CCHCR1: variants seen among roughly 807,000 people sequenced by gnomAD.
CCHCR1 encodes coiled-coil alpha-helical rod protein 1, also known as HCR (a-helix coiled-coil rod homologue).
In CCHCR1, 91 loss-of-function variants were observed where a neutral mutation model predicts 114.6. The observed-to-expected ratio is 0.79, with a 90% CI of 0.67 to 0.94. The LOEUF (loss-of-function observed/expected upper bound fraction) is 0.94. Among genes scored for constraint, CCHCR1 ranks in the 40% least tolerant of loss-of-function variants. The pLI is 0.00. For missense variants in CCHCR1, 899 were observed against 1,079.9 expected (o/e 0.83, Z 2.35); for synonymous variants, 379 against 428.5 (o/e 0.88, Z 1.43).
chr6:31,156,966 G>T, intron 2 of CCHCR1, 22 bp from the exon 3 acceptor site: 1 of 1,612,520 alleles, frequency 6.2e-7, no homozygotes, highest in Non-Finnish European at 8.5e-7. Flanking sequence ...CAAAAACAAA[G>T]ATGGTCAGTT....
chr6:31,152,019 G>A (rs929488775), intron 4 of CCHCR1, among the ~76,000 whole-genome samples: 3 of 152,100 alleles, frequency 2.0e-5, no homozygotes, highest in Admixed American at 6.5e-5. Context: ...TCAACAGGCC[G>A]GGCGCAGTGG....
Position 31,144,561 on chromosome 6 carries a change from T to G in CCHCR1, c.2167+126A>C. 4.4e-6 allele frequency: 3 copies of G among 676,622 alleles called. No homozygotes were observed. The South Asian group carries it at 5.3e-5, about 12-fold the overall frequency. 41.9% of individuals were successfully genotyped at this position (676,622 alleles called of 1,614,324 possible). On this transcript the variant is annotated intron_variant, in intron 15 of 17. Transcript: ENST00000396268. The surrounding 1 kb of genome is among the most constrained non-coding windows in gnomAD (Gnocchi z 4.6). ...TCACGATGTGATAATTCATCTGTGC[T>G]ACTCCTGGATACCTTCATTACTTCC...
At position 31,143,093 on chromosome 6, in the gene CCHCR1, CTGCT is replaced by C. The variant is rs1326345597; in HGVS notation, c.2357_2360del (p.Lys786SerfsTer5). On this transcript the variant is annotated frameshift_variant, in exon 17 of 18. Transcript: ENST00000396268. LOFTEE classifies it high-confidence loss of function. The surrounding 1 kb of genome is among the most constrained non-coding windows in gnomAD (Gnocchi z 5.3). The stretch of plus-strand genomic sequence containing the variant: ...AAGGAAGAACTGTCAACAGTCGCTG[CTGCT>C]TGTAACGGGAGAGGAGACCTTCCTG... The C allele has an allele frequency of 8.1e-6, 13 of 1,612,874 alleles. No individual in the cohort carries two copies. In the Admixed American group the frequency reaches 8.3e-5, roughly 10 times the overall value.
Position 31,145,782 on chromosome 6 carries a change from A to T in CCHCR1, c.1607T>A (p.Met536Lys). ...SSSQIWLETTMAKVEGAAAQL... is the reference protein window; with the variant it reads ...SSSQIWLETTKAKVEGAAAQL... ...GGCGGCAGCCCCTTCCACCTTAGCCATGGTGGTCTCGAGCCAGATCTGAGA... is the reference window on the plus strand; with the variant it reads ...GGCGGCAGCCCCTTCCACCTTAGCCTTGGTGGTCTCGAGCCAGATCTGAGA... Residue 536 changes from methionine (M) to lysine (K), a missense_variant, in exon 11 of 18, where the codon ATG (methionine) becomes AAG (lysine). Transcript: ENST00000396268. 6.2e-7 allele frequency: 1 copy of T among 1,612,946 alleles called. No homozygotes were observed. The highest frequency in any genetic ancestry group is 8.5e-7 in the Non-Finnish European group (1 of 1,179,884).
chr6:31,151,031 G>A lies in CCHCR1; in HGVS notation c.893C>T (p.Thr298Ile). 6.2e-7 allele frequency: 1 copy of A among 1,613,048 alleles called. No homozygotes were observed. The highest frequency in any genetic ancestry group is 2.2e-5 in the East Asian group (1 of 44,884). The change falls in exon 5 of 18, where the codon ACC (threonine) becomes ATC (isoleucine). Residue 298 changes from threonine to isoleucine, a missense_variant. By Grantham distance (89) the Thr-to-Ile change is moderately conservative (BLOSUM62 -1). Coordinates refer to ENST00000396268, the MANE Select transcript of CCHCR1 (RefSeq NM_001105564.2). The surrounding 1 kb of genome is among the most constrained non-coding windows in gnomAD (Gnocchi z 4.1). The stretch of plus-strand genomic sequence containing the variant: ...CTCCTTGGCTTCCCCTGCTCTTCTG[G>A]TTTCCAGACTACTCAGAGACTTCTC... ...GLEKSLSSLE[T>I]RRAGEAKELA...
Position 31,148,643 on chromosome 6 carries a change from A to G in CCHCR1, c.1448T>C (p.Val483Ala), listed in dbSNP as rs761923531. The change falls in exon 9 of 18, where the codon GTG (valine) becomes GCG (alanine). Residue 483 changes from valine (V) to alanine (A), a missense_variant. Val to Ala is a moderately conservative substitution (Grantham distance 64). Transcript: ENST00000396268. ...QRSLQDKAAE[V>A]EVERMGAKGL... is the part of the protein sequence containing the mutation. The stretch of plus-strand genomic sequence containing the variant: ...CTTGGCACCCATACGCTCCACCTCC[A>G]CCTCTGCGGCTTTGTCCTGCAGGGA... 2 of 1,611,440 alleles carry G rather than the reference A, an allele frequency of 1.2e-6. No individual in the cohort carries two copies. The highest frequency in any genetic ancestry group is 2.7e-5 in the African/African-American group (2 of 74,506).
At position 31,143,322 on chromosome 6, in the gene CCHCR1, C is replaced by CT; in HGVS notation, c.2258dup (p.Glu754GlyfsTer16). Reference sequence around the variant, plus strand: ...AGCGCCGGGCCAGTCGCTGCCCCTCCTCCTTCCGGGCCTCCTCCTGCAGAC... The same window carrying CT: ...AGCGCCGGGCCAGTCGCTGCCCCTCCTTCCTTCCGGGCCTCCTCCTGCAGAC... On this transcript the variant is annotated frameshift_variant, in exon 16 of 18. Coordinates refer to ENST00000396268, the MANE Select transcript of CCHCR1 (RefSeq NM_001105564.2). LOFTEE classifies it high-confidence loss of function. The surrounding 1 kb of genome is among the most constrained non-coding windows in gnomAD (Gnocchi z 5.3). 6.2e-7 allele frequency: 1 copy of CT among 1,612,890 alleles called. No homozygotes were observed. Among genetic ancestry groups the CT allele is most frequent in the Non-Finnish European group, 8.5e-7 (1 of 1,179,972 alleles).
Position 31,150,553 on chromosome 6 carries a change from C to T in CCHCR1, c.1114G>A (p.Asp372Asn). The T allele has an allele frequency of 6.2e-7, 1 of 1,611,664 alleles. No individual in the cohort carries two copies. Among genetic ancestry groups the T allele is most frequent in the African/African-American group, 1.3e-5 (1 of 74,978 alleles). The change falls in exon 7 of 18, where the codon GAC (aspartate) becomes AAC (asparagine). Residue 372 changes from aspartate to asparagine, a missense_variant. Transcript: ENST00000396268. The surrounding 1 kb of genome is among the most constrained non-coding windows in gnomAD (Gnocchi z 5.3). ...LLETMQHLQE[D>N]RDSLHATAEL... Reference sequence around the variant, plus strand: ...GCGGTGGCATGCAGGCTGTCCCGGTCCTCCTGCAAGTGCTGCGGGCAGAGG... The same window carrying T: ...GCGGTGGCATGCAGGCTGTCCCGGTTCTCCTGCAAGTGCTGCGGGCAGAGG...
intron 8 of CCHCR1, chr6:31,149,123 GCC>G: frequency 1.4e-5 from 1 of 74,036 alleles, no homozygotes. Context: ...CTGCACTCCA[GCC>G]TGGTGACAAG....
rs923445606 is a variant in CCHCR1, at chr6:31,143,835, C to A, written c.2168-422G>T. On this transcript the variant is annotated intron_variant, in intron 15 of 17. Coordinates refer to ENST00000396268, the MANE Select transcript of CCHCR1 (RefSeq NM_001105564.2). The surrounding 1 kb of genome is among the most constrained non-coding windows in gnomAD (Gnocchi z 5.3). ...CAGCACTTTGGGATGCCAAGGCGGG[C>A]GGATCACGAGGTTAGGAGCTCGAGA... Among the ~76,000 whole-genome samples, 1 of 152,160 alleles carries A rather than the reference C, an allele frequency of 6.6e-6. No homozygotes were observed. Among genetic ancestry groups the A allele is most frequent in the Non-Finnish European group, 1.5e-5 (1 of 68,012 alleles).
intron 10 of CCHCR1, among the ~76,000 whole-genome samples, chr6:31,147,176 G>A (rs1388083141): frequency 3.3e-5 from 5 of 152,062 alleles, no homozygotes; most frequent in South Asian, 4.1e-4. Flanking sequence ...CGAGGCGGGC[G>A]GATCACGAGG....
At position 31,154,562 on chromosome 6, in the gene CCHCR1, GACA is replaced by G. The variant is rs1775713937; in HGVS notation, c.732_734del (p.Val245del). On this transcript the variant is annotated inframe_deletion, in exon 4 of 18. Transcript: ENST00000396268. The surrounding 1 kb of genome is among the most constrained non-coding windows in gnomAD (Gnocchi z 4.1). ...GGCTCCCCTCTTCCAAGTTCTTCCGGACAACCTCAGCCCCAGCCAAAGCAGCAC... is the reference window on the plus strand; with the variant it reads ...GGCTCCCCTCTTCCAAGTTCTTCCGGACCTCAGCCCCAGCCAAAGCAGCAC... 2.5e-6 allele frequency: 4 copies of G among 1,613,004 alleles called. No homozygotes were observed. The highest frequency in any genetic ancestry group is 2.5e-6 in the Non-Finnish European group (3 of 1,180,012).
At chr6:31,146,058 C>T (rs1298261483) in intron 10 of CCHCR1, among the ~76,000 whole-genome samples, 1 of 152,174 alleles carries the variant, frequency 6.6e-6, no homozygotes, top group African/African-American at 2.4e-5. Flanking sequence ...TAAAGTTATC[C>T]TCTCTGATCA....
At chr6:31,147,494 T>C (rs1774524027) in intron 10 of CCHCR1, among the ~76,000 whole-genome samples, 2 of 150,382 alleles carry the variant, frequency 1.3e-5, no homozygotes, top group Non-Finnish European at 2.9e-5. Flanking sequence ...GAAGCTTTGC[T>C]GTTTTCTTAG....
rs777366958 is a variant in CCHCR1 at position 31,145,033 on chromosome 6, C to G, written c.1917G>C (p.Gln639His). Residue 639 changes from glutamine (Q) to histidine (H), a missense_variant, in exon 14 of 18, where the codon CAG becomes CAC. Coordinates refer to ENST00000396268, the MANE Select transcript of CCHCR1 (RefSeq NM_001105564.2). ...ERQQLSKVAQ[Q>H]LEQELQQTQE... ...GGGTCTGCTGCAGCTCCTGCTCCAG[C>G]TGCTGGGCCACCTTGCTCAGCTGCT... The G allele has an allele frequency of 1.4e-5, 22 of 1,604,152 alleles. No homozygotes were observed. In the Admixed American group the frequency reaches 2.5e-4, roughly 18 times the overall value.
chr6:31,144,958 G>A lies in CCHCR1; in HGVS notation c.1992C>T (p.Gly664=). ...CAGCCTCCTCTGTGCTCTCCTGCTG[G>A]CCCTGGCGTGCTACCTCCAGCTGCA... ...LGLQLEVARQ[G]QQESTEEAAS... Residue 664 remains glycine, a synonymous_variant, in exon 14 of 18, where the codon GGC becomes GGT. Coordinates refer to ENST00000396268, the MANE Select transcript of CCHCR1 (RefSeq NM_001105564.2). The surrounding 1 kb of genome is among the most constrained non-coding windows in gnomAD (Gnocchi z 4.6). 1.2e-6 allele frequency: 2 copies of A among 1,610,848 alleles called. No homozygotes were observed. Among genetic ancestry groups the A allele is most frequent in the Admixed American group, 1.7e-5 (1 of 60,004 alleles).
chr6:31,149,961 C>T, intron 8 of CCHCR1, 105 bp downstream of exon 8: 1 of 1,285,616 alleles, frequency 7.8e-7, no homozygotes, highest in Non-Finnish European at 1.1e-6. Context: ...GCTGTGTGCC[C>T]AGCATGTGGC....
Position 31,151,135 on chromosome 6 carries a change from G to A in CCHCR1, c.802-13C>T, listed in dbSNP as rs762026681. The A allele has an allele frequency of 1.9e-5, 30 of 1,609,432 alleles. No homozygotes were observed. Among genetic ancestry groups the A allele is most frequent in the Admixed American group, 5.0e-5 (3 of 59,438 alleles). On this transcript the variant is annotated splice_polypyrimidine_tract_variant and intron_variant, in intron 4 of 17. Transcript: ENST00000396268. The surrounding 1 kb of genome is among the most constrained non-coding windows in gnomAD (Gnocchi z 4.1). ...TCAAAGAGGACAGCTGCGGAAAGAA[G>A]AGGGGGCTCAGCAGAGGCTCGACCC...
At chr6:31,145,370 C>A (rs544361399) in intron 12 of CCHCR1, 68 bp from the exon 13 acceptor site, 25 of 1,612,234 alleles carry the variant, frequency 1.6e-5, no homozygotes, top group Non-Finnish European at 1.9e-5. Flanking sequence ...CCCCATCCCA[C>A]CTCAGTCCTC....
Sources: gnomAD v4.1 joint callset for allele counts (sites outside exome capture counted in the v4.1 genomes callset) on GRCh38, gnomAD v4.1.1 for gene constraint, Gnocchi (gnomAD v3.1) non-coding constraint, MANE v1.5 for transcripts, NCBI Gene and HGNC (gene_info 2026-07-23, HGNC 2026-07-21) for gene names.